Variants in ADGRL2 observed in about 807,000 individuals in gnomAD.
The protein encoded by ADGRL2 is adhesion G protein-coupled receptor L2.
A neutral mutation model predicts 157.4 loss-of-function variants in ADGRL2; 44 were observed. That is an observed-to-expected ratio of 0.28 (90% CI 0.22 to 0.36). The LOEUF (loss-of-function observed/expected upper bound fraction) is 0.36, where lower values mean the gene tolerates loss of function less well. Among genes scored for constraint, ADGRL2 ranks in the 10% least tolerant of loss-of-function variants. The probability of loss-of-function intolerance (pLI) is 1.00; values close to 1 mark genes in which losing one functional copy is unlikely to be tolerated. For missense variants in ADGRL2, 1,510 were observed against 1,768.9 expected (o/e 0.85, Z 2.63); for synonymous variants, 585 against 624.7 (o/e 0.94, Z 0.95).
In ADGRL2 at chr1:81,684,305, A is replaced by C. The variant is rs548517541; in HGVS notation, c.-142-77506A>C. ...TCCACATCAACATCTACTGTTTTTT[A>C]ATTTTTTTATTATGGCCATTCTTGT... On this transcript the variant is annotated intron_variant, in intron 3 of 24. Transcript: ENST00000370721. Among the ~76,000 whole-genome samples the C allele has an allele frequency of 2.8e-4, 43 of 152,084 alleles. 1 individual carries two copies. The highest frequency in any genetic ancestry group is 9.6e-4 in the African/African-American group (40 of 41,510).
At chr1:81,929,609 G>A (rs2095183448) in intron 3 of ADGRL2, among the ~76,000 whole-genome samples, 2 of 152,152 alleles carry the variant, frequency 1.3e-5, no homozygotes, top group Non-Finnish European at 2.9e-5. Flanking sequence ...ATCAAAAGAA[G>A]AGTAAAAGCA....
chr1:81,640,897 A>G (rs2082207099), intron 3 of ADGRL2, among the ~76,000 whole-genome samples: 1 of 152,166 alleles, frequency 6.6e-6, no homozygotes, highest in South Asian at 2.1e-4. Context: ...AGTCCTTACA[A>G]AAAAACAGTA....
intron 3 of ADGRL2, among the ~76,000 whole-genome samples, chr1:81,693,513 T>C (rs2083384010): frequency 6.6e-6 from 1 of 152,252 alleles, no homozygotes; most frequent in Non-Finnish European, 1.5e-5. Flanking sequence ...CTTCCCTGTC[T>C]GTTTAAACTA....
chr1:81,556,859 C>CCT (rs2080291540), intron 2 of ADGRL2, among the ~76,000 whole-genome samples: 1 of 151,614 alleles, frequency 6.6e-6, no homozygotes, highest in Non-Finnish European at 1.5e-5. Flanking sequence ...GGGTGGATCA[C>CCT]GAGGTCAGGA....
At chr1:81,463,027 A>G (rs1418307196) in intron 2 of ADGRL2, among the ~76,000 whole-genome samples, 1 of 146,680 alleles carries the variant, frequency 6.8e-6, no homozygotes, top group Non-Finnish European at 1.5e-5. Context: ...AGGCAGGAAG[A>G]TTGCCTGAGC....
chr1:81,653,108 A>T (rs1436317037), intron 3 of ADGRL2, among the ~76,000 whole-genome samples: 1 of 152,170 alleles, frequency 6.6e-6, no homozygotes, highest in Non-Finnish European at 1.5e-5. Flanking sequence ...TACAATGTCA[A>T]GTATATGTAT....
chr1:81,577,157 A>G (rs1371456666), intron 2 of ADGRL2, among the ~76,000 whole-genome samples: 1 of 152,176 alleles, frequency 6.6e-6, no homozygotes, highest in Non-Finnish European at 1.5e-5. Flanking sequence ...TGTGCCCTGC[A>G]CCACAATGCT....
At chr1:81,463,882 G>GA (rs2077994282) in intron 2 of ADGRL2, among the ~76,000 whole-genome samples, 1 of 152,072 alleles carries the variant, frequency 6.6e-6, no homozygotes, top group Non-Finnish European at 1.5e-5. Flanking sequence ...CTCATTAAAA[G>GA]AAAATTGTAT....
At chr1:81,664,888 T>C (rs930509186) in intron 3 of ADGRL2, among the ~76,000 whole-genome samples, 8 of 152,274 alleles carry the variant, frequency 5.3e-5, no homozygotes, top group Admixed American at 5.2e-4. Context: ...TGTGTTTTGG[T>C]CATATTCATT....
chr1:81,863,009 C>T (rs1428500704), intron 2 of ADGRL2, among the ~76,000 whole-genome samples: 1 of 152,102 alleles, frequency 6.6e-6, no homozygotes, highest in African/African-American at 2.4e-5. Context: ...TTTTTGGCAT[C>T]ATGTTTATAC....
intron 2 of ADGRL2, among the ~76,000 whole-genome samples, chr1:81,577,152 C>T (rs1374460182): frequency 2.0e-5 from 3 of 152,128 alleles, no homozygotes; most frequent in Non-Finnish European, 2.9e-5. Context: ...TCATTTGTGC[C>T]CTGCACCACA....
rs766066027 is a variant in ADGRL2 at position 81,952,128 on chromosome 1, C to T, written c.1780C>T (p.Arg594Trp). The change falls in exon 9 of 24, where the codon CGG becomes TGG. Residue 594 changes from arginine to tryptophan, a missense_variant. Arg to Trp is a moderately radical substitution (Grantham distance 101). Coordinates refer to ENST00000686636, the MANE Select transcript of ADGRL2 (RefSeq NM_001366006.2). Reference sequence around the variant, plus strand: ...ACCTAGTGAAAAAGATTCAGCTGGACGGAGTTATAACAAGGTAGAGAGAAC... The same window carrying T: ...ACCTAGTGAAAAAGATTCAGCTGGATGGAGTTATAACAAGGTAGAGAGAAC... ...LKPSEKDSAG[R>W]SYNKLQKREK... is the part of the protein sequence containing the mutation. The T allele has an allele frequency of 1.1e-5, 17 of 1,611,234 alleles. No individual in the cohort carries two copies. In the East Asian group the frequency reaches 1.1e-4, roughly 11 times the overall value.
At chr1:81,956,258 A>G (rs1653476688) in intron 11 of ADGRL2, among the ~76,000 whole-genome samples, 198 bp downstream of exon 11, 1 of 152,184 alleles carries the variant, frequency 6.6e-6, no homozygotes, top group African/African-American at 2.4e-5. Context: ...TGTGTTTTAC[A>G]AGTTGGTTTT....
chr1:81,385,181 C>T (rs2076414005), intron 1 of ADGRL2, among the ~76,000 whole-genome samples: 2 of 152,062 alleles, frequency 1.3e-5, no homozygotes, highest in Admixed American at 1.3e-4. Context: ...ATTATACAGT[C>T]ACATAAAAGT....
intron 2 of ADGRL2, among the ~76,000 whole-genome samples, chr1:81,463,830 T>A (rs781520446): frequency 6.6e-6 from 1 of 152,218 alleles, no homozygotes; most frequent in Non-Finnish European, 1.5e-5. Flanking sequence ...GTCCTTGGTG[T>A]CATTGTTTAT....
intron 2 of ADGRL2, among the ~76,000 whole-genome samples, chr1:81,538,826 A>G (rs1250178849): frequency 1.3e-5 from 2 of 152,034 alleles, no homozygotes; most frequent in Non-Finnish European, 2.9e-5. Flanking sequence ...GCAACATGAC[A>G]AAAACCTGCC....
At chr1:81,950,076 ACAGATGGGTAGG>A in intron 6 of ADGRL2, 101 bp from the exon 7 acceptor site, 1 of 815,160 alleles carries the variant, frequency 1.2e-6, no homozygotes, top group Non-Finnish European at 2.0e-6. Context: ...TTGTGGGCAG[ACAGATGGGTAGG>A]GTTTTGTGTG....
intron 3 of ADGRL2, among the ~76,000 whole-genome samples, chr1:81,671,891 A>C (rs1021673878): frequency 6.6e-6 from 1 of 152,190 alleles, no homozygotes; most frequent in South Asian, 2.1e-4. Context: ...GCCTATGTGA[A>C]TATTACTGGT....
At chr1:81,675,177 C>CT (rs143838038) in intron 3 of ADGRL2, among the ~76,000 whole-genome samples, 3 of 152,102 alleles carry the variant, frequency 2.0e-5, no homozygotes, top group African/African-American at 7.2e-5. Flanking sequence ...AAGAGCATAA[C>CT]TTTTTTTGTT....
Sources: allele counts gnomAD v4.1 joint callset (sites outside exome capture counted in the v4.1 genomes callset), GRCh38; gene constraint gnomAD v4.1.1; transcripts MANE v1.5; gene names NCBI Gene and HGNC (gene_info 2026-07-23, HGNC 2026-07-21).